Variants in SKAP1 observed in about 807,000 individuals in gnomAD.
SKAP1 encodes the protein src kinase-associated phosphoprotein 1.
In SKAP1, 44 loss-of-function variants were observed where a neutral mutation model predicts 58.5. The observed-to-expected ratio is 0.75, with a 90% CI of 0.59 to 0.97. The LOEUF (loss-of-function observed/expected upper bound fraction) is 0.97. Among genes scored for constraint, SKAP1 ranks in the 50% least tolerant of loss-of-function variants. The probability of loss-of-function intolerance (pLI) is 0.00; values close to 1 mark genes in which losing one functional copy is unlikely to be tolerated. For missense variants in SKAP1, 390 were observed against 435.2 expected (o/e 0.90, Z 0.92); for synonymous variants, 127 against 149.7 (o/e 0.85, Z 1.11).
At chr17:48,356,177 T>C (rs145423515) in intron 3 of SKAP1, among the ~76,000 whole-genome samples, 1 of 151,970 alleles carries the variant, frequency 6.6e-6, no homozygotes, top group African/African-American at 2.4e-5. Context: ...TCACTTGATC[T>C]TGGGAGATGG....
At chr17:48,262,194 C>T (rs1248098463) in intron 4 of SKAP1, among the ~76,000 whole-genome samples, 1 of 152,130 alleles carries the variant, frequency 6.6e-6, no homozygotes, top group African/African-American at 2.4e-5. Flanking sequence ...GCAGGAGGCC[C>T]CCAGTCAGGA....
intron 8 of SKAP1, among the ~76,000 whole-genome samples, chr17:48,181,802 G>C (rs2064372797): frequency 6.6e-6 from 1 of 152,082 alleles, no homozygotes; most frequent in Non-Finnish European, 1.5e-5. Flanking sequence ...GGCTTCCCTG[G>C]CCATTGTTTC....
intron 3 of SKAP1, among the ~76,000 whole-genome samples, chr17:48,355,281 T>C (rs1291720367): frequency 1.3e-5 from 2 of 152,212 alleles, no homozygotes; most frequent in Non-Finnish European, 2.9e-5. Context: ...ATTATTTTTG[T>C]TTTGTTTTTG....
intron 4 of SKAP1, among the ~76,000 whole-genome samples, chr17:48,198,454 C>CAAA (rs55958821): frequency 0.13 from 6,379 of 49,930 alleles, 1,288 homozygotes; most frequent in East Asian, 0.38. Context: ...GACTCCGTCT[C>CAAA]AAAAAAAAAA....
At chr17:48,266,365 T>C (rs1449634995) in intron 4 of SKAP1, among the ~76,000 whole-genome samples, 1 of 152,226 alleles carries the variant, frequency 6.6e-6, no homozygotes, top group African/African-American at 2.4e-5. Flanking sequence ...AACAGATGGA[T>C]AGTTGTTGCC....
chr17:48,317,160 C>T (rs1034018582), intron 4 of SKAP1, among the ~76,000 whole-genome samples: 4 of 152,146 alleles, frequency 2.6e-5, no homozygotes, highest in Admixed American at 2.6e-4. Context: ...CATGGGCATT[C>T]ATCTGTTGAC....
intron 1 of SKAP1, among the ~76,000 whole-genome samples, chr17:48,397,246 G>C (rs990653789): frequency 1.3e-5 from 2 of 152,116 alleles, no homozygotes; most frequent in African/African-American, 4.8e-5. Context: ...TTAGGGGGGG[G>C]ATGGAGTCTC....
chr17:48,383,532 A>T (rs71377361), intron 2 of SKAP1, among the ~76,000 whole-genome samples: 2 of 152,080 alleles, frequency 1.3e-5, no homozygotes, highest in African/African-American at 2.4e-5. Flanking sequence ...TTTCATTTTC[A>T]TGTGTATGTA....
At chr17:48,235,063 T>C (rs1013387409) in intron 4 of SKAP1, among the ~76,000 whole-genome samples, 1 of 152,238 alleles carries the variant, frequency 6.6e-6, no homozygotes, top group African/African-American at 2.4e-5. Context: ...TGTTACGTTT[T>C]TCCTTGTGTG....
At chr17:48,141,359 GC>G in intron 11 of SKAP1, among the ~76,000 whole-genome samples, 1 of 144,182 alleles carries the variant, frequency 6.9e-6, no homozygotes, top group Admixed American at 7.1e-5. Flanking sequence ...GGTTCCCAAT[GC>G]CCCTTGTTAA....
In SKAP1 at chr17:48,164,433, G is replaced by A. The variant is rs1054734316; in HGVS notation, c.878-1864C>T. Among the ~76,000 whole-genome samples the A allele has an allele frequency of 2.6e-5, 4 of 152,306 alleles. No individual in the cohort carries two copies. The South Asian group carries it at 6.2e-4, about 24-fold the overall frequency. On this transcript the variant is annotated intron_variant, in intron 10 of 12. Coordinates refer to ENST00000336915, the MANE Select transcript of SKAP1 (RefSeq NM_003726.4). Reference sequence around the variant, plus strand: ...TAGCAGATAGTCACTTTGGAGTACGGTTCCCTACTGTGTGCCTGGATATGG... The same window carrying A: ...TAGCAGATAGTCACTTTGGAGTACGATTCCCTACTGTGTGCCTGGATATGG...
chr17:48,425,645 G>A (rs2067847425), intron 1 of SKAP1, among the ~76,000 whole-genome samples: 1 of 152,166 alleles, frequency 6.6e-6, no homozygotes, highest in Non-Finnish European at 1.5e-5. Context: ...CACACTTAAA[G>A]GTGTGGGTAC....
At chr17:48,276,499 T>C (rs2065703420) in intron 4 of SKAP1, among the ~76,000 whole-genome samples, 1 of 152,238 alleles carries the variant, frequency 6.6e-6, no homozygotes, top group Non-Finnish European at 1.5e-5. Context: ...TTCATCTTTA[T>C]ATCTTCACAG....
intron 6 of SKAP1, chr17:48,185,298 T>C (rs2064434217): frequency 6.5e-6 from 1 of 154,378 alleles, no homozygotes; most frequent in African/African-American, 2.4e-5. Context: ...CCATGCCCTA[T>C]GTAGCATTTG....
intron 4 of SKAP1, among the ~76,000 whole-genome samples, chr17:48,310,206 A>G (rs548849648): frequency 2.0e-4 from 31 of 152,330 alleles, no homozygotes; most frequent in African/African-American, 2.2e-4. Flanking sequence ...GAAATGCATC[A>G]ATTTGTTATT....
rs1381059557 is a variant in SKAP1 at position 48,289,783 on chromosome 17, AT to A, written c.280+56121del. Among the ~76,000 whole-genome samples the A allele has an allele frequency of 4.6e-5, 7 of 151,956 alleles. No individual in the cohort carries two copies. The East Asian group carries it at 9.7e-4, about 21-fold the overall frequency. ...TCTATGCACCAATAAGTATATATAT[AT>A]ATTTAAAAATTAATATTTAATCAAA... is the stretch of plus-strand genomic sequence containing the variant. On this transcript the variant is annotated intron_variant, in intron 4 of 12. Transcript: ENST00000336915.
intron 4 of SKAP1, among the ~76,000 whole-genome samples, chr17:48,322,924 C>T (rs1567867730): frequency 6.6e-6 from 1 of 151,984 alleles, no homozygotes; most frequent in East Asian, 1.9e-4. Flanking sequence ...GGTGAAAACC[C>T]GTCTCTACTA....
At chr17:48,343,568 G>A (rs1242557345) in intron 4 of SKAP1, among the ~76,000 whole-genome samples, 2 of 152,000 alleles carry the variant, frequency 1.3e-5, no homozygotes, top group East Asian at 1.9e-4. Flanking sequence ...TTCATGCATA[G>A]AACTAAAAAC....
intron 4 of SKAP1, among the ~76,000 whole-genome samples, chr17:48,259,042 A>G (rs369453678): frequency 6.6e-6 from 1 of 152,124 alleles, no homozygotes; most frequent in South Asian, 2.1e-4. Context: ...GAGAAAAATG[A>G]GGTAGATGAT....
Sources: allele counts gnomAD v4.1 joint callset (sites outside exome capture counted in the v4.1 genomes callset), GRCh38; gene constraint gnomAD v4.1.1; transcripts MANE v1.5; gene names NCBI Gene and HGNC (gene_info 2026-07-23, HGNC 2026-07-21).